The following CNTNAP2 variants were observed in gnomAD, a reference collection of about 807,000 sequenced individuals.
CNTNAP2 encodes the protein contactin associated protein 2.
A neutral mutation model predicts 155.2 loss-of-function variants in CNTNAP2; 98 were observed. The observed-to-expected ratio is 0.63, with a 90% CI of 0.54 to 0.75. CNTNAP2 has a LOEUF of 0.75. CNTNAP2 is among the 30% of genes least tolerant of loss of function. CNTNAP2 has a pLI of 0.00. For synonymous variants in CNTNAP2, 651 were observed against 631.2 expected (o/e 1.03, Z -0.47); for missense variants, 1,727 against 1,688.1 (o/e 1.02, Z -0.40).
At chr7:147,075,073 T>C (rs994688546) in intron 4 of CNTNAP2, among the ~76,000 whole-genome samples, 1 of 152,192 alleles carries the variant, frequency 6.6e-6, no homozygotes, top group Non-Finnish European at 1.5e-5. Context: ...GATTGTTGAA[T>C]ATAGGCAAGT....
intron 12 of CNTNAP2, among the ~76,000 whole-genome samples, chr7:147,598,247 G>C (rs748759576): frequency 2.4e-4 from 36 of 151,794 alleles, no homozygotes; most frequent in Non-Finnish European, 5.2e-4. Context: ...CATGTGCCAT[G>C]GTGGTTTGTT....
At chr7:147,666,646 C>T (rs78256764) in intron 13 of CNTNAP2, among the ~76,000 whole-genome samples, 6,145 of 152,258 alleles carry the variant, frequency 0.04, 137 homozygotes, top group Middle Eastern at 0.13. Flanking sequence ...TTTACTGTGT[C>T]TCTTGACTGT....
intron 13 of CNTNAP2, among the ~76,000 whole-genome samples, chr7:147,772,446 C>CTATATATATA (rs58027241): frequency 0.01 from 641 of 63,612 alleles, 6 homozygotes; most frequent in East Asian, 0.014. Context: ...CTCTCTCTCG[C>CTATATATATA]TATATATATA....
At chr7:146,728,387 T>G (rs1801468382) in intron 1 of CNTNAP2, among the ~76,000 whole-genome samples, 1 of 152,132 alleles carries the variant, frequency 6.6e-6, no homozygotes, top group East Asian at 1.9e-4. Flanking sequence ...TGGAGAGCCC[T>G]TGATGTTTAT....
At chr7:148,322,940 G>A (rs766564014) in intron 21 of CNTNAP2, among the ~76,000 whole-genome samples, 14 of 151,180 alleles carry the variant, frequency 9.3e-5, no homozygotes, top group African/African-American at 2.7e-4. Flanking sequence ...TCCTGAAATC[G>A]CCCCAAAAAT....
chr7:147,737,826 G>A (rs1212573955), intron 13 of CNTNAP2, among the ~76,000 whole-genome samples: 2 of 152,206 alleles, frequency 1.3e-5, no homozygotes, highest in South Asian at 2.1e-4. Context: ...GCCAGGTGCG[G>A]GATGTAATCT....
At chr7:148,149,398 A>G (rs921224140) in intron 17 of CNTNAP2, among the ~76,000 whole-genome samples, 5 of 152,216 alleles carry the variant, frequency 3.3e-5, no homozygotes, top group African/African-American at 1.2e-4. Context: ...TATAAGGGAT[A>G]AACAGAAAAA....
chr7:146,608,388 G>A (rs565342584), intron 1 of CNTNAP2, among the ~76,000 whole-genome samples: 3 of 152,176 alleles, frequency 2.0e-5, no homozygotes, highest in South Asian at 2.1e-4. Flanking sequence ...AATTATCACC[G>A]TGAATAAACA....
chr7:146,486,169 A>G lies in CNTNAP2; in HGVS notation c.98-288102A>G, dbSNP rs1181532856. Among the ~76,000 whole-genome samples, 4 of 140,642 alleles carry G rather than the reference A, an allele frequency of 2.8e-5. 1 individual carries two copies. Among genetic ancestry groups the G allele is most frequent in the African/African-American group, 5.3e-5 (2 of 37,836 alleles). 92.3% of individuals were successfully genotyped at this position (140,642 alleles called of 152,430 possible). On this transcript the variant is annotated intron_variant, in intron 1 of 23. Coordinates refer to ENST00000361727, the MANE Select transcript of CNTNAP2 (RefSeq NM_014141.6). ...AAACTCCGCCTCCCAGGTTCACTCT[A>G]TTCTCCTGCCTCAGCCTCCCGAGTA...
intron 1 of CNTNAP2, among the ~76,000 whole-genome samples, chr7:146,325,729 A>G (rs1191319340): frequency 2.0e-5 from 3 of 152,016 alleles, no homozygotes; most frequent in East Asian, 1.9e-4. Context: ...ATTTCTTTCC[A>G]TCTTCCTTCA....
At chr7:147,474,141 A>G (rs2116614696) in intron 10 of CNTNAP2, among the ~76,000 whole-genome samples, 1 of 152,160 alleles carries the variant, frequency 6.6e-6, no homozygotes, top group East Asian at 1.9e-4. Flanking sequence ...AAATGGTTGA[A>G]TTACAAGGGA....
intron 1 of CNTNAP2, among the ~76,000 whole-genome samples, chr7:146,316,881 G>T (rs987853057): frequency 1.1e-4 from 17 of 151,884 alleles, no homozygotes; most frequent in Non-Finnish European, 1.6e-4. Flanking sequence ...ACCCACCTAC[G>T]GGAGGTCGTC....
intron 1 of CNTNAP2, among the ~76,000 whole-genome samples, chr7:146,440,077 T>C (rs1221720690): frequency 6.6e-6 from 1 of 151,636 alleles, no homozygotes; most frequent in East Asian, 1.9e-4. Flanking sequence ...TGAGCTGAGG[T>C]TGTGCCACTG....
intron 15 of CNTNAP2, among the ~76,000 whole-genome samples, chr7:148,039,527 G>C (rs902906134): frequency 1.3e-5 from 2 of 152,082 alleles, no homozygotes; most frequent in African/African-American, 4.8e-5. Flanking sequence ...AACCATCACA[G>C]CAACTGGGCA....
chr7:147,104,920 A>G (rs1800734423), intron 4 of CNTNAP2, among the ~76,000 whole-genome samples: 1 of 126,888 alleles, frequency 7.9e-6, no homozygotes, highest in African/African-American at 2.9e-5. Flanking sequence ...ATATATATGA[A>G]TTATTCCATA....
chr7:146,175,968 G>A (rs1798464251), intron 1 of CNTNAP2, among the ~76,000 whole-genome samples: 1 of 152,120 alleles, frequency 6.6e-6, no homozygotes. Context: ...GGAAAGTACA[G>A]AAAAATGAAA....
intron 1 of CNTNAP2, among the ~76,000 whole-genome samples, chr7:146,137,477 A>G (rs1267338286): frequency 6.6e-6 from 1 of 152,142 alleles, no homozygotes; most frequent in South Asian, 2.1e-4. Flanking sequence ...ATATTCTGCA[A>G]CACAAAGAAA....
chr7:147,132,429 A>C lies in CNTNAP2; in HGVS notation c.1268A>C (p.Glu423Ala). ...TTTGCGGATAATTTGGGCAATGTGG[A>C]GATTGACCTCACTGAAAGCAAAGTG... ...SHFADNLGNV[E>A]IDLTESKVGV... is the part of the protein sequence containing the mutation. Residue 423 changes from glutamate (E) to alanine (A), a missense_variant, in exon 8 of 24, where the codon GAG becomes GCG. Glu to Ala is a moderately radical substitution (Grantham distance 107, BLOSUM62 -1). Transcript: ENST00000361727. The C allele has an allele frequency of 6.2e-7, 1 of 1,613,622 alleles. No individual in the cohort carries two copies. The highest frequency in any genetic ancestry group is 8.5e-7 in the Non-Finnish European group (1 of 1,179,768).
chr7:147,561,330 C>T (rs183834268), intron 11 of CNTNAP2, among the ~76,000 whole-genome samples: 1 of 152,236 alleles, frequency 6.6e-6, no homozygotes, highest in African/African-American at 2.4e-5. Flanking sequence ...CTTTCACATT[C>T]TTCATTAATT....
Sources: allele counts gnomAD v4.1 joint callset (sites outside exome capture counted in the v4.1 genomes callset), GRCh38; gene constraint gnomAD v4.1.1; transcripts MANE v1.5; gene names NCBI Gene and HGNC (gene_info 2026-07-23, HGNC 2026-07-21).